CAMK2D: variants seen among roughly 807,000 people sequenced by gnomAD.
The protein encoded by CAMK2D is calcium/calmodulin-dependent protein kinase type II subunit delta.
In CAMK2D, 37 loss-of-function variants were observed where a neutral mutation model predicts 84.0. That is an observed-to-expected ratio of 0.44 (90% CI 0.34 to 0.58). The LOEUF (loss-of-function observed/expected upper bound fraction) is 0.58. Among genes scored for constraint, CAMK2D ranks in the 20% least tolerant of loss-of-function variants. The probability of loss-of-function intolerance (pLI) is 0.02; values close to 1 mark genes in which losing one functional copy is unlikely to be tolerated. For synonymous variants in CAMK2D, 202 were observed against 212.5 expected, an observed-to-expected ratio of 0.95 and a Z score of 0.43; for missense variants, 448 against 652.5, an observed-to-expected ratio of 0.69 and a Z score of 3.41.
chr4:113,593,492 A>G (rs2098904400), intron 4 of CAMK2D, among the ~76,000 whole-genome samples: 1 of 152,198 alleles, frequency 6.6e-6, no homozygotes, highest in Non-Finnish European at 1.5e-5. Context: ...GAAAGATAAA[A>G]ACTTTAGGGG....
At chr4:113,666,925 G>T (rs1252815623) in intron 2 of CAMK2D, among the ~76,000 whole-genome samples, 1 of 152,106 alleles carries the variant, frequency 6.6e-6, no homozygotes, top group East Asian at 1.9e-4. Flanking sequence ...GCTCCAGTTT[G>T]AGATCAATGC....
rs1041182997 is a variant in CAMK2D, at chr4:113,726,083, T to C, written c.160+33237A>G. Among the ~76,000 whole-genome samples, 7 of 152,340 alleles carry C rather than the reference T, an allele frequency of 4.6e-5. No homozygotes were observed. The South Asian group carries it at 1.4e-3, about 32-fold the overall frequency. ...ATAAAGATGAAAATATTTAAGTTTA[T>C]TGAGATCCTTCTTTATGCCAAACAA... On this transcript the variant is annotated intron_variant, in intron 2 of 20. Coordinates refer to ENST00000511664, the MANE Select transcript of CAMK2D (RefSeq NM_001321571.2).
At position 113,531,303 on chromosome 4, in the gene CAMK2D, G is replaced by C. The variant is rs774684310; in HGVS notation, c.518-4C>G. 6 of 1,523,458 alleles carry C rather than the reference G, an allele frequency of 3.9e-6. No individual in the cohort carries two copies. The highest frequency in any genetic ancestry group is 5.5e-6 in the Non-Finnish European group (6 of 1,097,712). The allele number at this position is 1,523,458 out of a possible 1,614,324, so 94.4% of individuals were successfully genotyped here. A position where few individuals can be genotyped will look rare whatever the true frequency, so the allele number is the denominator to read the frequency against. ...TATCCAGGTGTGCCAGCAAAACCTA[G>C]GGAAAAGAGATGTTAATGAGTCACA... On this transcript the variant is annotated splice_polypyrimidine_tract_variant and splice_region_variant and intron_variant, in intron 7 of 20. Transcript: ENST00000511664.
chr4:113,701,859 G>T (rs1022056675), intron 2 of CAMK2D, among the ~76,000 whole-genome samples: 1 of 152,054 alleles, frequency 6.6e-6, no homozygotes, highest in African/African-American at 2.4e-5. Context: ...ACAGGCATGC[G>T]CCATGATGCC....
intron 4 of CAMK2D, among the ~76,000 whole-genome samples, chr4:113,595,817 T>C (rs2098923316): frequency 6.6e-6 from 1 of 152,220 alleles, no homozygotes; most frequent in Non-Finnish European, 1.5e-5. Flanking sequence ...TTTTTACTGG[T>C]GGAGGTTCTC....
In CAMK2D at chr4:113,747,318, T is replaced by TAAA. The variant is rs1562201207; in HGVS notation, c.160+12001_160+12002insTTT. Among the ~76,000 whole-genome samples, 151 of 112,208 alleles carry TAAA rather than the reference T, an allele frequency of 1.3e-3. 1 individual carries two copies. The highest frequency in any genetic ancestry group is 4.2e-3 in the African/African-American group (141 of 33,686). The allele number at this position is 112,208 out of a possible 152,430, so 73.6% of individuals were successfully genotyped here. Reference sequence around the variant, plus strand: ...CAGAATTTTGAACTTTTTTTTTTTTTTAAATTCAATAGGAAAAGCGTATGC... The same window carrying TAAA: ...CAGAATTTTGAACTTTTTTTTTTTTTAAATAAATTCAATAGGAAAAGCGTATGC... On this transcript the variant is annotated intron_variant, in intron 2 of 20. Transcript: ENST00000511664.
chr4:113,519,756 C>T (rs888771954), intron 8 of CAMK2D, among the ~76,000 whole-genome samples: 6 of 152,058 alleles, frequency 3.9e-5, no homozygotes, highest in Non-Finnish European at 8.8e-5. Flanking sequence ...AACATTTATT[C>T]AGAGTTATGT....
chr4:113,465,500 T>G (rs1393668366), intron 17 of CAMK2D, 29 bp downstream of exon 17: 2 of 1,378,048 alleles, frequency 1.5e-6, no homozygotes, highest in African/African-American at 2.9e-5. Flanking sequence ...ACCATATGCA[T>G]GAAAGCAAAG....
intron 4 of CAMK2D, among the ~76,000 whole-genome samples, chr4:113,585,716 CATATA>C (rs2098831061): frequency 1.5e-5 from 2 of 132,584 alleles, no homozygotes. Flanking sequence ...ATTAGTATAT[CATATA>C]GTATAGATAG....
intron 4 of CAMK2D, among the ~76,000 whole-genome samples, chr4:113,594,721 T>C (rs936089816): frequency 3.3e-4 from 50 of 152,100 alleles, no homozygotes; most frequent in African/African-American, 1.2e-3. Flanking sequence ...AGAAAAAACT[T>C]CTAAAACTGA....
At chr4:113,659,478 T>C (rs769782683) in intron 3 of CAMK2D, among the ~76,000 whole-genome samples, 3 of 152,166 alleles carry the variant, frequency 2.0e-5, no homozygotes, top group Non-Finnish European at 4.4e-5. Flanking sequence ...TAGGTGAGAA[T>C]GAGGTTATCA....
At chr4:113,531,148 T>G in intron 8 of CAMK2D, 68 bp downstream of exon 8, 1 of 807,568 alleles carries the variant, frequency 1.2e-6, no homozygotes, top group Non-Finnish European at 2.2e-6. Flanking sequence ...TGACAGATTG[T>G]TATAGCAGAC....
intron 16 of CAMK2D, among the ~76,000 whole-genome samples, chr4:113,497,537 C>T (rs2097954793): frequency 6.6e-6 from 1 of 152,236 alleles, no homozygotes; most frequent in Non-Finnish European, 1.5e-5. Flanking sequence ...TTGAGAACAG[C>T]TGGCCTTGTC....
chr4:113,645,311 C>A (rs558916775), intron 3 of CAMK2D, among the ~76,000 whole-genome samples: 1 of 152,152 alleles, frequency 6.6e-6, no homozygotes, highest in Non-Finnish European at 1.5e-5. Context: ...CCACCATGCC[C>A]GGCCTGAATG....
chr4:113,466,201 G>A (rs1419713120), intron 16 of CAMK2D, among the ~76,000 whole-genome samples: 1 of 151,730 alleles, frequency 6.6e-6, no homozygotes, highest in Admixed American at 6.6e-5. Context: ...AGGTTGCAGT[G>A]AGCCGAGATC....
At chr4:113,500,616 G>A in intron 15 of CAMK2D, 105 bp from the exon 16 acceptor site, 1 of 655,190 alleles carries the variant, frequency 1.5e-6, no homozygotes. Flanking sequence ...TCTTCAGCAG[G>A]CTATGTGCAT....
chr4:113,591,122 A>G (rs1486682806), intron 4 of CAMK2D, among the ~76,000 whole-genome samples: 1 of 151,772 alleles, frequency 6.6e-6, no homozygotes, highest in South Asian at 2.1e-4. Context: ...GCTTCCTGGG[A>G]CCTATTGCCA....
At chr4:113,559,941 G>GC (rs1160368696) in intron 4 of CAMK2D, among the ~76,000 whole-genome samples, 2 of 152,118 alleles carry the variant, frequency 1.3e-5, no homozygotes, top group South Asian at 2.1e-4. Context: ...TTGTTGATAC[G>GC]CCCCTATACG....
At chr4:113,573,591 C>A (rs1469958547) in intron 4 of CAMK2D, among the ~76,000 whole-genome samples, 1 of 152,148 alleles carries the variant, frequency 6.6e-6, no homozygotes, top group African/African-American at 2.4e-5. Flanking sequence ...AATAATGAAT[C>A]CAAGTATAAC....
Sources: allele counts gnomAD v4.1 joint callset (sites outside exome capture counted in the v4.1 genomes callset), GRCh38; gene constraint gnomAD v4.1.1; transcripts MANE v1.5; gene names NCBI Gene and HGNC (gene_info 2026-07-23, HGNC 2026-07-21).